The following SORCS2 variants were observed in gnomAD, a reference collection of about 807,000 sequenced individuals.
SORCS2 encodes VPS10 domain-containing receptor SorCS2.
Under a neutral mutation model 141.6 loss-of-function variants are expected in SORCS2, and 100 were observed. That is an observed-to-expected ratio of 0.71 (90% CI 0.60 to 0.83). The LOEUF is 0.83. Ranked by LOEUF, SORCS2 falls within the 40% of genes least tolerant of loss-of-function variation. SORCS2 has a pLI of 0.00. For missense variants in SORCS2, 1,646 were observed against 1,560.2 expected (o/e 1.05, Z -0.93); for synonymous variants, 789 against 676.9 (o/e 1.17, Z -2.57).
intron 2 of SORCS2, among the ~76,000 whole-genome samples, chr4:7,526,730 G>T (rs938699763): frequency 1.3e-5 from 2 of 152,180 alleles, no homozygotes; most frequent in African/African-American, 4.8e-5. Context: ...TCTCTCAGCT[G>T]GGGGCGCTGA....
chr4:7,306,591 A>G (rs1717848875), intron 1 of SORCS2, among the ~76,000 whole-genome samples: 1 of 152,190 alleles, frequency 6.6e-6, no homozygotes. Context: ...CTCTCAGGCC[A>G]CTGAAGGGCG....
At chr4:7,734,127 A>G in intron 24 of SORCS2, 145 bp from the exon 25 acceptor site, 2 of 596,812 alleles carry the variant, frequency 3.4e-6, no homozygotes, top group South Asian at 3.9e-5. Context: ...GACAGGCAGG[A>G]AATGGGCCAG....
chr4:7,598,368 G>T (rs571218230), intron 3 of SORCS2, among the ~76,000 whole-genome samples: 3 of 152,322 alleles, frequency 2.0e-5, no homozygotes, highest in Non-Finnish European at 4.4e-5. Context: ...CTTCTGAGAG[G>T]CAGGGGCTTC....
chr4:7,427,965 G>A (rs1263710626), intron 2 of SORCS2, among the ~76,000 whole-genome samples: 1 of 151,960 alleles, frequency 6.6e-6, no homozygotes, highest in African/African-American at 2.4e-5. Flanking sequence ...GATGGAGGTT[G>A]CACTGCAGCC....
intron 2 of SORCS2, among the ~76,000 whole-genome samples, chr4:7,529,976 C>G (rs1356992563): frequency 6.6e-6 from 1 of 152,144 alleles, no homozygotes; most frequent in African/African-American, 2.4e-5. Flanking sequence ...GGGGTCTGCT[C>G]TTTGTCCTGG....
At chr4:7,252,201 C>T (rs1431148508) in intron 1 of SORCS2, among the ~76,000 whole-genome samples, 5 of 152,144 alleles carry the variant, frequency 3.3e-5, no homozygotes, top group Non-Finnish European at 7.3e-5. Flanking sequence ...TGGGGAGTCG[C>T]CAAGGAGGCC....
chr4:7,302,767 A>ATGTGTGTGTGTGTGTGTGTGTG (rs753375857), intron 1 of SORCS2, among the ~76,000 whole-genome samples: 8 of 101,710 alleles, frequency 7.9e-5, no homozygotes, highest in Admixed American at 1.1e-4. Flanking sequence ...GACAGTCCAC[A>ATGTGTGTGTGTGTGTGTGTGTG]TATGTGTGTG....
intron 2 of SORCS2, among the ~76,000 whole-genome samples, chr4:7,463,544 G>T (rs1157519729): frequency 6.6e-6 from 1 of 152,196 alleles, no homozygotes; most frequent in Non-Finnish European, 1.5e-5. Flanking sequence ...TCCAGGAACA[G>T]ACCCCCATCC....
chr4:7,543,887 CCCACCCATCCATCCAT>C (rs1712995362), intron 3 of SORCS2, among the ~76,000 whole-genome samples: 8 of 12,532 alleles, frequency 6.4e-4, no homozygotes, highest in Admixed American at 9.8e-4. Flanking sequence ...CACCCACCCA[CCCACCCATCCATCCAT>C]CCACCCATCC....
At chr4:7,269,621 T>G (rs926573450) in intron 1 of SORCS2, among the ~76,000 whole-genome samples, 2 of 152,168 alleles carry the variant, frequency 1.3e-5, no homozygotes, top group African/African-American at 4.8e-5. Flanking sequence ...ATCAGAGCGA[T>G]GTATCCCCAA....
At chr4:7,721,031 G>T (rs1577116188) in intron 18 of SORCS2, among the ~76,000 whole-genome samples, 1 of 152,236 alleles carries the variant, frequency 6.6e-6, no homozygotes, top group Admixed American at 6.5e-5. Flanking sequence ...ACAAAAACCT[G>T]TATGTGTCTG....
At chr4:7,434,221 A>T in intron 2 of SORCS2, 1 of 1,613,702 alleles carries the variant, frequency 6.2e-7, no homozygotes, top group Non-Finnish European at 8.5e-7. Flanking sequence ...GAGGACGGCC[A>T]GGCCAGGCCC....
At chr4:7,491,787 A>C (rs1577652311) in intron 2 of SORCS2, among the ~76,000 whole-genome samples, 1 of 152,154 alleles carries the variant, frequency 6.6e-6, no homozygotes, top group African/African-American at 2.4e-5. Context: ...TTGTTGGGTA[A>C]GTGGGAGGGT....
chr4:7,667,674 C>T (rs61094490), intron 8 of SORCS2, among the ~76,000 whole-genome samples: 2 of 152,320 alleles, frequency 1.3e-5, no homozygotes, highest in African/African-American at 4.8e-5. Context: ...CTCACCTCTG[C>T]ATTCCAGCCA....
intron 1 of SORCS2, among the ~76,000 whole-genome samples, chr4:7,215,310 G>A (rs1728271388): frequency 6.6e-6 from 1 of 152,208 alleles, no homozygotes; most frequent in African/African-American, 2.4e-5. Flanking sequence ...TCCCCCAGCA[G>A]TGCCAGCCTA....
At chr4:7,249,971 G>C (rs918574090) in intron 1 of SORCS2, among the ~76,000 whole-genome samples, 1 of 152,218 alleles carries the variant, frequency 6.6e-6, no homozygotes, top group Non-Finnish European at 1.5e-5. Flanking sequence ...GCTGGACGCG[G>C]TGGCTCGTGC....
At chr4:7,689,712 C>G (rs1367846094) in intron 11 of SORCS2, 124 bp downstream of exon 11, 6 of 824,734 alleles carry the variant, frequency 7.3e-6, no homozygotes, top group Non-Finnish European at 1.1e-5. Context: ...GGAGGCAGTA[C>G]CACTGCATCT....
chr4:7,455,710 T>C (rs1229115863), intron 2 of SORCS2, among the ~76,000 whole-genome samples: 1 of 109,610 alleles, frequency 9.1e-6, no homozygotes, highest in African/African-American at 3.6e-5. Context: ...GTCAGGAGCT[T>C]TGTTGGGGTC....
chr4:7,388,029 CGCACACAT>C, intron 1 of SORCS2, among the ~76,000 whole-genome samples: 1 of 149,412 alleles, frequency 6.7e-6, no homozygotes, highest in South Asian at 2.1e-4. Flanking sequence ...TACACAGATA[CGCACACAT>C]GCACACACAC....
Sources: gnomAD v4.1 joint callset for allele counts (sites outside exome capture counted in the v4.1 genomes callset) on GRCh38, gnomAD v4.1.1 for gene constraint, MANE v1.5 for transcripts, NCBI Gene and HGNC (gene_info 2026-07-23, HGNC 2026-07-21) for gene names.